The following ASTN2 variants were observed in gnomAD, a reference collection of about 807,000 sequenced individuals.
ASTN2 encodes astrotactin-2.
A neutral mutation model predicts 139.8 loss-of-function variants in ASTN2; 54 were observed. The observed-to-expected ratio is 0.39, with a 90% CI of 0.31 to 0.48. ASTN2 has a LOEUF of 0.48. ASTN2 is among the 20% of genes least tolerant of loss of function. ASTN2 has a pLI of 0.95. For synonymous variants in ASTN2, 756 were observed against 719.5 expected (o/e 1.05, Z -0.81); for missense variants, 1,565 against 1,725.1 (o/e 0.91, Z 1.64).
chr9:117,102,548 G>T (rs527471533), intron 4 of ASTN2, among the ~76,000 whole-genome samples: 1 of 152,228 alleles, frequency 6.6e-6, no homozygotes, highest in African/African-American at 2.4e-5. Context: ...TTGAGACAGA[G>T]TTTCACTCTT....
At chr9:116,487,660 C>T (rs185178693) in intron 19 of ASTN2, among the ~76,000 whole-genome samples, 160 bp from the exon 20 acceptor site, 2 of 152,222 alleles carry the variant, frequency 1.3e-5, no homozygotes, top group Admixed American at 1.3e-4. Flanking sequence ...TTGTATTTAG[C>T]CTTGATGACT....
intron 1 of ASTN2, among the ~76,000 whole-genome samples, chr9:117,330,081 A>G (rs951361408): frequency 1.3e-5 from 2 of 152,202 alleles, no homozygotes; most frequent in African/African-American, 2.4e-5. Flanking sequence ...CACTTAATCC[A>G]TCTGAGGACT....
At chr9:117,288,474 C>G (rs537685967) in intron 2 of ASTN2, among the ~76,000 whole-genome samples, 1 of 152,288 alleles carries the variant, frequency 6.6e-6, no homozygotes, top group Non-Finnish European at 1.5e-5. Context: ...TGGATCTTCA[C>G]CAAAGATGAA....
At chr9:117,182,821 C>T (rs1270001449) in intron 3 of ASTN2, among the ~76,000 whole-genome samples, 4 of 152,174 alleles carry the variant, frequency 2.6e-5, no homozygotes, top group African/African-American at 9.7e-5. Context: ...CAGGCTTCCT[C>T]ACTGTGTTTG....
chr9:117,254,547 G>T (rs1026654018), intron 2 of ASTN2, among the ~76,000 whole-genome samples: 1 of 152,124 alleles, frequency 6.6e-6, no homozygotes, highest in African/African-American at 2.4e-5. Flanking sequence ...CTGTGGGTAG[G>T]AAGCTTAGTG....
At chr9:117,392,522 G>A (rs574531934) in intron 1 of ASTN2, among the ~76,000 whole-genome samples, 11 of 152,204 alleles carry the variant, frequency 7.2e-5, no homozygotes, top group Admixed American at 2.0e-4. Flanking sequence ...TCTTAATACC[G>A]ATTACTATTT....
intron 22 of ASTN2, among the ~76,000 whole-genome samples, chr9:116,438,134 A>C (rs774803124): frequency 9.2e-5 from 14 of 152,186 alleles, no homozygotes; most frequent in Admixed American, 2.0e-4. Context: ...TATTTCAAGA[A>C]GTCATGTGAT....
intron 11 of ASTN2, among the ~76,000 whole-genome samples, chr9:116,827,615 C>T (rs57104716): frequency 0.015 from 2,270 of 152,148 alleles, 59 homozygotes; most frequent in African/African-American, 0.051. Flanking sequence ...ATTATGTTCA[C>T]AAACCAGAGA....
chr9:117,071,865 C>A (rs531500928), intron 5 of ASTN2, among the ~76,000 whole-genome samples: 1 of 151,606 alleles, frequency 6.6e-6, no homozygotes, highest in East Asian at 1.9e-4. Flanking sequence ...AGCCCTGCTT[C>A]GGCTCGCGCA....
chr9:117,018,666 T>C (rs1334199916), intron 6 of ASTN2, among the ~76,000 whole-genome samples: 5 of 152,180 alleles, frequency 3.3e-5, no homozygotes, highest in Admixed American at 6.5e-5. Context: ...AGTTCATCAT[T>C]TGAGTGACCC....
chr9:116,938,435 C>T (rs1244161432), intron 10 of ASTN2, among the ~76,000 whole-genome samples: 1 of 152,142 alleles, frequency 6.6e-6, no homozygotes, highest in Non-Finnish European at 1.5e-5. Context: ...GTTCCAAATA[C>T]GTAACTCCTT....
chr9:116,933,267 T>C (rs549335372), intron 10 of ASTN2, among the ~76,000 whole-genome samples: 9 of 152,292 alleles, frequency 5.9e-5, no homozygotes, highest in Middle Eastern at 6.8e-3. Context: ...TGGATTCTTC[T>C]TATTACCTAC....
chr9:117,304,576 G>T (rs950198619), intron 1 of ASTN2, among the ~76,000 whole-genome samples: 1 of 152,182 alleles, frequency 6.6e-6, no homozygotes, highest in African/African-American at 2.4e-5. Context: ...CTGTGGCTCT[G>T]ATTTGAGAGT....
At chr9:117,089,294 CTG>C (rs1306517838) in intron 5 of ASTN2, among the ~76,000 whole-genome samples, 2 of 152,214 alleles carry the variant, frequency 1.3e-5, no homozygotes, top group African/African-American at 4.8e-5. Context: ...TCTCCTGACT[CTG>C]AGTCCAACAT....
intron 6 of ASTN2, among the ~76,000 whole-genome samples, chr9:117,019,598 T>C (rs1837812976): frequency 6.6e-6 from 1 of 152,086 alleles, no homozygotes; most frequent in Non-Finnish European, 1.5e-5. Context: ...AATAAGGTTT[T>C]TATTCGAGGG....
At chr9:116,487,584 G>A in intron 19 of ASTN2, 84 bp from the exon 20 acceptor site, 2 of 1,301,704 alleles carry the variant, frequency 1.5e-6, no homozygotes, top group Non-Finnish European at 1.0e-6. Context: ...CCTATCAAAT[G>A]TCTTGATACC....
intron 11 of ASTN2, among the ~76,000 whole-genome samples, chr9:116,825,699 C>T (rs1052463187): frequency 1.3e-5 from 2 of 152,190 alleles, no homozygotes; most frequent in African/African-American, 4.8e-5. Flanking sequence ...GAGAAACCCC[C>T]AGGGTTCCAA....
At chr9:116,611,583 C>A (rs1190926071) in intron 19 of ASTN2, 1 of 151,962 alleles carries the variant, frequency 6.6e-6, no homozygotes, top group Non-Finnish European at 1.5e-5. Context: ...TCACTATAAT[C>A]TCAACAGATT....
chr9:117,044,607 G>C (rs1353600458), intron 5 of ASTN2, among the ~76,000 whole-genome samples: 1 of 152,188 alleles, frequency 6.6e-6, no homozygotes, highest in African/African-American at 2.4e-5. Context: ...CCCTCCCAAA[G>C]CAGGCTTCTT....
Sources: gnomAD v4.1 joint callset for allele counts (sites outside exome capture counted in the v4.1 genomes callset) on GRCh38, gnomAD v4.1.1 for gene constraint, MANE v1.5 for transcripts, NCBI Gene and HGNC (gene_info 2026-07-23, HGNC 2026-07-21) for gene names.